COL19A1: variants seen among roughly 807,000 people sequenced by gnomAD.
COL19A1 encodes the protein collagen type XIX alpha 1 chain, also known as collagen alpha-1(XIX) chain.
Under a neutral mutation model 190.2 loss-of-function variants are expected in COL19A1, and 159 were observed. The observed-to-expected ratio is 0.84, with a 90% CI of 0.73 to 0.95. The LOEUF (loss-of-function observed/expected upper bound fraction) is 0.95. COL19A1 is among the 40% of genes least tolerant of loss of function. COL19A1 has a pLI of 0.00. For synonymous variants in COL19A1, 509 were observed against 458.9 expected (o/e 1.11, Z -1.39); for missense variants, 1,418 against 1,431.9 (o/e 0.99, Z 0.16).
At chr6:70,005,393 T>C (rs937297403) in intron 11 of COL19A1, among the ~76,000 whole-genome samples, 2 of 152,180 alleles carry the variant, frequency 1.3e-5, no homozygotes, top group African/African-American at 2.4e-5. Context: ...TTATTTTTCT[T>C]TCAATGGTCA....
intron 40 of COL19A1, among the ~76,000 whole-genome samples, chr6:70,170,298 A>G (rs1022441714): frequency 6.6e-5 from 10 of 152,172 alleles, no homozygotes; most frequent in Admixed American, 2.6e-4. Flanking sequence ...AGTTCCTGCC[A>G]TAGAAATAAT....
Position 70,137,754 on chromosome 6 carries a change from A to G in COL19A1, c.1446+7A>G, listed in dbSNP as rs758857672. On this transcript the variant is annotated splice_region_variant and intron_variant, in intron 19 of 50. Transcript: ENST00000620364. ...AGGACAAAAAGGAGAACCTGTAAGT[A>G]TTTTAGCTTTGAGGACAGAGGAAGA... 1.9e-6 allele frequency: 3 copies of G among 1,612,872 alleles called. No individual in the cohort carries two copies. Among genetic ancestry groups the G allele is most frequent in the East Asian group, 2.2e-5 (1 of 44,848 alleles).
At chr6:70,061,269 T>A (rs1780813453) in intron 14 of COL19A1, among the ~76,000 whole-genome samples, 2 of 152,166 alleles carry the variant, frequency 1.3e-5, no homozygotes, top group South Asian at 2.1e-4. Flanking sequence ...TGTTCAATAC[T>A]CTTCTCAAAA....
At chr6:69,875,897 G>C (rs967639545) in intron 1 of COL19A1, among the ~76,000 whole-genome samples, 2 of 152,148 alleles carry the variant, frequency 1.3e-5, no homozygotes, top group African/African-American at 4.8e-5. Context: ...AAAGCCAAGA[G>C]AATGGTGACG....
Position 69,889,484 on chromosome 6 carries a change from T to C in COL19A1, c.92-9464T>C, listed in dbSNP as rs180720183. On this transcript the variant is annotated intron_variant, in intron 2 of 50. Coordinates refer to ENST00000620364, the MANE Select transcript of COL19A1 (RefSeq NM_001858.6). ...GGGTCAAGTGGGGACTTGGAGAACT[T>C]TTCTGTCTAGCTAAAGGATGATAAA... 3.9e-5 allele frequency among the ~76,000 whole-genome samples: 6 copies of C among 152,244 alleles called. 1 individual carries two copies. The highest frequency in any genetic ancestry group is 1.4e-4 in the African/African-American group (6 of 41,552).
intron 9 of COL19A1, among the ~76,000 whole-genome samples, chr6:69,940,489 G>T (rs1174644288): frequency 6.6e-6 from 1 of 151,868 alleles, no homozygotes; most frequent in Non-Finnish European, 1.5e-5. Context: ...TAATAAAAAT[G>T]GATAAATATT....
intron 13 of COL19A1, among the ~76,000 whole-genome samples, chr6:70,035,374 C>T (rs1011122007): frequency 6.6e-5 from 10 of 152,142 alleles, no homozygotes; most frequent in African/African-American, 1.9e-4. Context: ...GCAATTTTAG[C>T]GTTCAGAAAT....
chr6:69,903,990 A>G (rs1030162902), intron 4 of COL19A1, among the ~76,000 whole-genome samples: 1 of 152,160 alleles, frequency 6.6e-6, no homozygotes, highest in Non-Finnish European at 1.5e-5. Flanking sequence ...GTGAAAGTCC[A>G]TTGTCAACCT....
intron 16 of COL19A1, among the ~76,000 whole-genome samples, chr6:70,116,952 T>C (rs1409654211): frequency 6.6e-6 from 1 of 152,052 alleles, no homozygotes; most frequent in Non-Finnish European, 1.5e-5. Context: ...AAGCTTCCAA[T>C]AGGAGATTGA....
chr6:69,951,952 GA>G (rs759708114), intron 9 of COL19A1, among the ~76,000 whole-genome samples: 28 of 151,988 alleles, frequency 1.8e-4, no homozygotes, highest in Non-Finnish European at 3.5e-4. Context: ...CAAATATTCA[GA>G]TTTCATTTAC....
chr6:70,154,549 A>C (rs1177397177), intron 31 of COL19A1, among the ~76,000 whole-genome samples: 1 of 152,174 alleles, frequency 6.6e-6, no homozygotes, highest in East Asian at 1.9e-4. Flanking sequence ...CTAGAGGGAC[A>C]GAACTAATAG....
intron 2 of COL19A1, among the ~76,000 whole-genome samples, chr6:69,887,981 T>C (rs919067778): frequency 2.0e-5 from 3 of 152,142 alleles, no homozygotes; most frequent in Non-Finnish European, 4.4e-5. Flanking sequence ...GTCTCATTCC[T>C]CCCTCTAAAG....
At chr6:70,056,646 T>A (rs1313905371) in intron 14 of COL19A1, among the ~76,000 whole-genome samples, 3 of 152,156 alleles carry the variant, frequency 2.0e-5, no homozygotes, top group Admixed American at 6.6e-5. Context: ...CATTGTCTTG[T>A]GTGAACTCAA....
chr6:70,196,544 G>A (rs181791447), intron 48 of COL19A1, among the ~76,000 whole-genome samples: 4 of 152,308 alleles, frequency 2.6e-5, no homozygotes. Context: ...AGATAGACAT[G>A]GGCCAGATGA....
intron 11 of COL19A1, among the ~76,000 whole-genome samples, chr6:70,007,724 A>T (rs1777723332): frequency 6.6e-6 from 1 of 152,014 alleles, no homozygotes; most frequent in African/African-American, 2.4e-5. Context: ...CAGTACACTC[A>T]TCTGAACTGA....
rs372744074 is a variant in COL19A1 at position 69,969,623 on chromosome 6, TA to T, written c.1026+6754del. Among the ~76,000 whole-genome samples the T allele has an allele frequency of 4.1e-4, 63 of 152,352 alleles. 1 individual carries two copies. In the East Asian group the frequency reaches 9.6e-3, roughly 23 times the overall value. ...ATCTAACAACTATTTACATAGCATT[TA>T]CATTGTGTTAGGTATTATAAGTAAA... is the stretch of plus-strand genomic sequence containing the variant. On this transcript the variant is annotated intron_variant, in intron 11 of 50. Transcript: ENST00000620364.
intron 11 of COL19A1, among the ~76,000 whole-genome samples, chr6:70,009,217 T>G (rs1250891699): frequency 6.6e-6 from 1 of 151,996 alleles, no homozygotes; most frequent in Non-Finnish European, 1.5e-5. Flanking sequence ...AAAGCCCATC[T>G]TTATTCTTAG....
Position 70,034,255 on chromosome 6 carries a change from G to A in COL19A1, c.1091G>A (p.Gly364Asp). 1.2e-6 allele frequency: 2 copies of A among 1,612,186 alleles called. No individual in the cohort carries two copies. The highest frequency in any genetic ancestry group is 1.7e-6 in the Non-Finnish European group (2 of 1,178,274). ...ATATTCTTTCTACAGGGTTTGAAAG[G>A]TGACTTGGGTCCTCATGGTCCACCT... ...AGLNGENGLK[G>D]DLGPHGPPGP... Residue 364 changes from glycine to aspartate, a missense_variant, in exon 13 of 51, where the codon GGT (glycine) becomes GAT (aspartate). Physicochemically the swap from Gly to Asp is moderately conservative, Grantham distance 94. Coordinates refer to ENST00000620364, the MANE Select transcript of COL19A1 (RefSeq NM_001858.6).
intron 7 of COL19A1, among the ~76,000 whole-genome samples, chr6:69,933,457 C>T (rs1210673304): frequency 6.6e-6 from 1 of 152,104 alleles, no homozygotes; most frequent in Non-Finnish European, 1.5e-5. Context: ...CACTGACCTT[C>T]TAAACACTGT....
Sources: gnomAD v4.1 joint callset for allele counts (sites outside exome capture counted in the v4.1 genomes callset) on GRCh38, gnomAD v4.1.1 for gene constraint, MANE v1.5 for transcripts, NCBI Gene and HGNC (gene_info 2026-07-23, HGNC 2026-07-21) for gene names.